Variants in TSPAN7 observed in about 807,000 individuals in gnomAD.
The protein encoded by TSPAN7 is tetraspanin-7.
Under a neutral mutation model 17.6 loss-of-function variants are expected in TSPAN7, and 1 was observed. The observed-to-expected ratio is 0.06, with a 90% CI of 0.02 to 0.27. The LOEUF (loss-of-function observed/expected upper bound fraction) is 0.27, where lower values mean the gene tolerates loss of function less well. Among genes scored for constraint, TSPAN7 ranks in the 10% least tolerant of loss-of-function variants. The pLI, the probability that TSPAN7 is intolerant of heterozygous loss-of-function variation, is 1.00. For missense variants in TSPAN7, 112 were observed against 201.7 expected (o/e 0.56, Z 2.69); for synonymous variants, 78 against 79.0 (o/e 0.99, Z 0.07).
At position 38,677,753 on chromosome X, in the gene TSPAN7, T is replaced by G. The variant is rs186629054; in HGVS notation, c.597+1893T>G. ...AGCAAGTTTCCTTAGACATTCTTATTTAATGCCCACCTGAACTTATGAGAC... is the reference window on the plus strand; with the variant it reads ...AGCAAGTTTCCTTAGACATTCTTATGTAATGCCCACCTGAACTTATGAGAC... On this transcript the variant is annotated intron_variant, in intron 5 of 7. Coordinates refer to ENST00000378482, the MANE Select transcript of TSPAN7 (RefSeq NM_004615.4). 4.4e-5 allele frequency among the ~76,000 whole-genome samples: 5 copies of G among 112,669 alleles called. No individual in the cohort carries two copies. The East Asian group carries it at 1.4e-3, about 31-fold the overall frequency.
chrX:38,654,704 G>T (rs1220143490), intron 1 of TSPAN7, among the ~76,000 whole-genome samples: 1 of 84,879 alleles, frequency 1.2e-5, no homozygotes, highest in Non-Finnish European at 2.1e-5. Flanking sequence ...ATTTGTATTG[G>T]CCCTGGGGAT....
chrX:38,567,939 A>T (rs918373832), intron 1 of TSPAN7, among the ~76,000 whole-genome samples: 21 of 111,744 alleles, frequency 1.9e-4, no homozygotes, highest in African/African-American at 6.5e-4. Flanking sequence ...CAGCTGAGCC[A>T]TGTAGTGTGT....
At chrX:38,635,611 A>G (rs2069576405) in intron 1 of TSPAN7, among the ~76,000 whole-genome samples, 1 of 112,392 alleles carries the variant, frequency 8.9e-6, no homozygotes, top group African/African-American at 3.2e-5. Context: ...AAATTCTGGA[A>G]TAATCTAAAA....
intron 1 of TSPAN7, among the ~76,000 whole-genome samples, chrX:38,643,941 G>A (rs749021818): frequency 3.6e-5 from 4 of 112,207 alleles, no homozygotes; most frequent in Non-Finnish European, 7.5e-5. Context: ...GGCAGAAAGG[G>A]TGGTATCTTG....
intron 1 of TSPAN7, among the ~76,000 whole-genome samples, chrX:38,626,873 A>G (rs1254750868): frequency 9.0e-6 from 1 of 111,122 alleles, no homozygotes; most frequent in African/African-American, 3.3e-5. Context: ...TTGAACTTAC[A>G]TGTCTGGGAG....
At chrX:38,590,703 C>G (rs1337238021) in intron 1 of TSPAN7, among the ~76,000 whole-genome samples, 1 of 111,434 alleles carries the variant, frequency 9.0e-6, no homozygotes, top group Non-Finnish European at 1.9e-5. Flanking sequence ...ATTTTTTCAG[C>G]TTTTGTATAT....
chrX:38,578,986 A>G (rs1057087080), intron 1 of TSPAN7, among the ~76,000 whole-genome samples: 2 of 111,567 alleles, frequency 1.8e-5, no homozygotes, highest in African/African-American at 3.3e-5. Flanking sequence ...CAATGCATGT[A>G]ACAAATCCTG....
intron 1 of TSPAN7, among the ~76,000 whole-genome samples, chrX:38,659,206 T>A (rs1428767441): frequency 8.9e-6 from 1 of 111,748 alleles, no homozygotes; most frequent in East Asian, 2.8e-4. Flanking sequence ...TATAAATTTT[T>A]GCGTGTCTGT....
At chrX:38,604,720 T>G (rs1221001955) in intron 1 of TSPAN7, among the ~76,000 whole-genome samples, 2 of 110,942 alleles carry the variant, frequency 1.8e-5, no homozygotes, top group African/African-American at 3.3e-5. Flanking sequence ...CATGATCAAG[T>G]GGGCTTCATC....
At chrX:38,584,310 G>C (rs1260251633) in intron 1 of TSPAN7, among the ~76,000 whole-genome samples, 1 of 111,099 alleles carries the variant, frequency 9.0e-6, no homozygotes, top group Non-Finnish European at 1.9e-5. Context: ...GAAAAGGACT[G>C]TTTTAGATAA....
At chrX:38,565,391 G>A (rs991649550) in intron 1 of TSPAN7, among the ~76,000 whole-genome samples, 8 of 111,208 alleles carry the variant, frequency 7.2e-5, no homozygotes, top group African/African-American at 2.3e-4. Flanking sequence ...CACCACGCCC[G>A]GCTAATTTTT....
At chrX:38,624,592 C>T (rs2069510172) in intron 1 of TSPAN7, among the ~76,000 whole-genome samples, 1 of 112,126 alleles carries the variant, frequency 8.9e-6, no homozygotes, top group African/African-American at 3.2e-5. Flanking sequence ...GAAACATTGC[C>T]TAGAAATAGT....
At chrX:38,572,179 A>G (rs947900802) in intron 1 of TSPAN7, among the ~76,000 whole-genome samples, 1 of 111,814 alleles carries the variant, frequency 8.9e-6, no homozygotes, top group South Asian at 3.8e-4. Flanking sequence ...GAAGCAGATT[A>G]CTGATCTTTT....
intron 1 of TSPAN7, among the ~76,000 whole-genome samples, chrX:38,591,190 T>C (rs1260135333): frequency 1.8e-5 from 2 of 111,395 alleles, no homozygotes; most frequent in Admixed American, 9.6e-5. Flanking sequence ...CCCTAAGTAC[T>C]GTTTTAGCTG....
At chrX:38,621,249 C>A (rs1164952745) in intron 1 of TSPAN7, among the ~76,000 whole-genome samples, 1 of 112,129 alleles carries the variant, frequency 8.9e-6, no homozygotes, top group Non-Finnish European at 1.9e-5. Context: ...TTTATTTTTT[C>A]TTTTAAAGAC....
chrX:38,633,760 T>C (rs1014244623), intron 1 of TSPAN7, among the ~76,000 whole-genome samples: 26 of 112,549 alleles, frequency 2.3e-4, no homozygotes, highest in African/African-American at 8.4e-4. Flanking sequence ...TTTTTCTGTT[T>C]ACATTTGCAA....
intron 1 of TSPAN7, among the ~76,000 whole-genome samples, chrX:38,636,400 G>A (rs1469482385): frequency 3.6e-5 from 4 of 112,423 alleles, no homozygotes; most frequent in Non-Finnish European, 7.5e-5. Context: ...AGTTGTCCCT[G>A]TTCAAAATCA....
chrX:38,596,542 C>T (rs557880443), intron 1 of TSPAN7, among the ~76,000 whole-genome samples: 2 of 110,953 alleles, frequency 1.8e-5, no homozygotes, highest in African/African-American at 6.5e-5. Flanking sequence ...ATCTATTGGA[C>T]GTAGGTCTAT....
intron 1 of TSPAN7, among the ~76,000 whole-genome samples, chrX:38,576,972 G>A (rs147685236): frequency 1.2e-3 from 133 of 111,370 alleles, no homozygotes; most frequent in African/African-American, 4.3e-3. Context: ...GGTTGAAATA[G>A]GAAAAGCAAG....
Sources: allele counts gnomAD v4.1 joint callset (sites outside exome capture counted in the v4.1 genomes callset), GRCh38; gene constraint gnomAD v4.1.1; transcripts MANE v1.5; gene names NCBI Gene and HGNC (gene_info 2026-07-23, HGNC 2026-07-21).